Variants in FAM13A observed in about 807,000 individuals in gnomAD.
FAM13A encodes the protein protein FAM13A.
In FAM13A, 76 loss-of-function variants were observed where a neutral mutation model predicts 129.6. The ratio of observed to expected loss-of-function variants is 0.59; its 90% confidence interval spans 0.49 to 0.71. The LOEUF (loss-of-function observed/expected upper bound fraction) is 0.71. Among genes scored for constraint, FAM13A ranks in the 30% least tolerant of loss-of-function variants. The pLI, the probability that FAM13A is intolerant of heterozygous loss-of-function variation, is 0.00. For synonymous variants in FAM13A, 443 were observed against 449.9 expected, an observed-to-expected ratio of 0.98 and a Z score of 0.20; for missense variants, 1,108 against 1,249.3, an observed-to-expected ratio of 0.89 and a Z score of 1.70.
At chr4:88,920,651 C>A (rs1750902714) in intron 5 of FAM13A, among the ~76,000 whole-genome samples, 1 of 152,192 alleles carries the variant, frequency 6.6e-6, no homozygotes, top group Non-Finnish European at 1.5e-5. Flanking sequence ...TGCCTCTCCT[C>A]CTCCAAAAGA....
chr4:88,790,037 G>A (rs1392613652), intron 9 of FAM13A, among the ~76,000 whole-genome samples: 1 of 152,138 alleles, frequency 6.6e-6, no homozygotes, highest in Non-Finnish European at 1.5e-5. Context: ...AATTAAGAGA[G>A]TACCGCCACT....
At chr4:88,835,796 G>C (rs190242301) in intron 7 of FAM13A, among the ~76,000 whole-genome samples, 158 of 152,152 alleles carry the variant, frequency 1.0e-3, no homozygotes, top group African/African-American at 3.6e-3. Context: ...AGTAGTGCTA[G>C]TGATGGGGAG....
At chr4:88,830,031 T>C (rs1005573948) in intron 7 of FAM13A, among the ~76,000 whole-genome samples, 2 of 152,166 alleles carry the variant, frequency 1.3e-5, no homozygotes, top group African/African-American at 4.8e-5. Flanking sequence ...TGCGCATATA[T>C]ATATTCAATA....
chr4:89,013,071 A>G (rs2149089256), intron 3 of FAM13A, among the ~76,000 whole-genome samples: 1 of 152,136 alleles, frequency 6.6e-6, no homozygotes, highest in Middle Eastern at 3.4e-3. Context: ...TCTGCTTTTA[A>G]TGGGCATTAA....
Position 88,961,346 on chromosome 4 carries a change from CCTTTTTTTTTTT to C in FAM13A, c.606-23117_606-23106del, listed in dbSNP as rs1400738608. 4.9e-3 allele frequency among the ~76,000 whole-genome samples: 437 copies of C among 89,342 alleles called. 13 individuals are homozygous for C. The highest frequency in any genetic ancestry group is 0.018 in the African/African-American group (408 of 23,014). The allele number at this position is 89,342 out of a possible 152,430, so 58.6% of individuals were successfully genotyped here. A position where few individuals can be genotyped will look rare whatever the true frequency, so the allele number is the denominator to read the frequency against. On this transcript the variant is annotated intron_variant, in intron 4 of 23. Coordinates refer to ENST00000264344, the MANE Select transcript of FAM13A (RefSeq NM_014883.4). Reference sequence around the variant, plus strand: ...CAAATCCTCAGCTTTGTGGAATTTGCCTTTTTTTTTTTTTTTTTTTTTTTTTTTTTTTTTTTT... The same window carrying C: ...CAAATCCTCAGCTTTGTGGAATTTGCTTTTTTTTTTTTTTTTTTTTTTTTT...
rs771841553 is a variant in FAM13A, at chr4:89,020,461, C to T, written c.426G>A (p.Gln142=). The T allele has an allele frequency of 1.2e-6, 2 of 1,612,296 alleles. No homozygotes were observed. Among genetic ancestry groups the T allele is most frequent in the African/African-American group, 1.3e-5 (1 of 74,926 alleles). Reference sequence around the variant, plus strand: ...CCTAAAAGGATTTATTGTACTAACCCTGAAAGAGTTGAATGAATCGAGGCT... The same window carrying T: ...CCTAAAAGGATTTATTGTACTAACCTTGAAAGAGTTGAATGAATCGAGGCT... ...ALQPRFIQLF[Q]DGRNDVQESS... The change falls in exon 3 of 24, where the codon CAG becomes CAA. Residue 142 remains glutamine (Q), a splice_region_variant and synonymous_variant. Transcript: ENST00000264344.
intron 7 of FAM13A, among the ~76,000 whole-genome samples, chr4:88,813,677 A>C (rs1817279): frequency 0.07 from 10,650 of 152,276 alleles, 422 homozygotes; most frequent in African/African-American, 0.091. Context: ...TGCAGAAGGC[A>C]TGCAAATTAT....
chr4:88,868,598 T>C lies in FAM13A; in HGVS notation c.844-17415A>G, dbSNP rs147078412. Among the ~76,000 whole-genome samples the C allele has an allele frequency of 2.9e-4, 44 of 152,296 alleles. No individual in the cohort carries two copies. The East Asian group carries it at 8.5e-3, about 29-fold the overall frequency. On this transcript the variant is annotated intron_variant, in intron 6 of 23. Coordinates refer to ENST00000264344, the MANE Select transcript of FAM13A (RefSeq NM_014883.4). ...CCTATAGTCTATAATCCATACTCTT[T>C]GGTCTCACATTAATGGCCCCAGACT...
chr4:88,961,687 G>A (rs192016116), intron 4 of FAM13A, among the ~76,000 whole-genome samples: 55 of 152,200 alleles, frequency 3.6e-4, no homozygotes, highest in Admixed American at 9.8e-4. Flanking sequence ...TTTTAGTGGT[G>A]TGTGGAAGAA....
At position 88,972,449 on chromosome 4, in the gene FAM13A, G is replaced by A. The variant is rs903147045; in HGVS notation, c.605+18524C>T. 5.3e-5 allele frequency among the ~76,000 whole-genome samples: 8 copies of A among 152,008 alleles called. No individual in the cohort carries two copies. The East Asian group carries it at 5.8e-4, about 11-fold the overall frequency. ...CCTGAGTAGCTGGGACTACAGGTGCGTGCCACCACGCCTGGCTAATTTTGG... is the reference window on the plus strand; with the variant it reads ...CCTGAGTAGCTGGGACTACAGGTGCATGCCACCACGCCTGGCTAATTTTGG... On this transcript the variant is annotated intron_variant, in intron 4 of 23. Transcript: ENST00000264344.
chr4:88,770,798 T>G (rs979302884), intron 11 of FAM13A, among the ~76,000 whole-genome samples: 4 of 152,194 alleles, frequency 2.6e-5, no homozygotes, highest in African/African-American at 9.6e-5. Flanking sequence ...TTGTGAGATG[T>G]GAGAAAGCTT....
chr4:88,967,652 T>C (rs140192864), intron 4 of FAM13A, among the ~76,000 whole-genome samples: 1 of 152,316 alleles, frequency 6.6e-6, no homozygotes, highest in South Asian at 2.1e-4. Context: ...CCATGTGCCT[T>C]ACAACACAGA....
At chr4:88,900,680 C>A (rs1400513945) in intron 6 of FAM13A, among the ~76,000 whole-genome samples, 1 of 152,076 alleles carries the variant, frequency 6.6e-6, no homozygotes, top group Admixed American at 6.6e-5. Context: ...CCGTTACCAG[C>A]CAATACAAAA....
intron 4 of FAM13A, among the ~76,000 whole-genome samples, chr4:88,952,845 G>A (rs1757154509): frequency 6.6e-6 from 1 of 152,056 alleles, no homozygotes; most frequent in African/African-American, 2.4e-5. Context: ...CTACTCAGGA[G>A]GCTGAGGAAG....
chr4:88,988,707 TAATGA>T (rs1762569515), intron 4 of FAM13A, among the ~76,000 whole-genome samples: 1 of 152,050 alleles, frequency 6.6e-6, no homozygotes, highest in Non-Finnish European at 1.5e-5. Flanking sequence ...AAATAGGAGT[TAATGA>T]AACAGAAAAA....
intron 11 of FAM13A, among the ~76,000 whole-genome samples, chr4:88,776,910 G>T (rs937519905): frequency 2.5e-4 from 38 of 152,124 alleles, no homozygotes; most frequent in African/African-American, 8.7e-4. Flanking sequence ...GGAGGGGGAG[G>T]TTGCAGTGAG....
At chr4:88,749,518 GCTTA>G (rs1742094764) in intron 16 of FAM13A, among the ~76,000 whole-genome samples, 1 of 152,052 alleles carries the variant, frequency 6.6e-6, no homozygotes. Context: ...TCCAGTTCCT[GCTTA>G]CTGATTAATT....
At chr4:88,792,116 TG>T (rs971326693) in intron 8 of FAM13A, among the ~76,000 whole-genome samples, 35 of 152,076 alleles carry the variant, frequency 2.3e-4, no homozygotes, top group African/African-American at 8.2e-4. Flanking sequence ...TAAGACTTAC[TG>T]AGTACTTACT....
chr4:88,979,456 C>G (rs939858329), intron 4 of FAM13A, among the ~76,000 whole-genome samples: 1 of 152,158 alleles, frequency 6.6e-6, no homozygotes, highest in Non-Finnish European at 1.5e-5. Flanking sequence ...AGGAGCCAGG[C>G]CTTCTGGATT....
Sources: allele counts gnomAD v4.1 joint callset (sites outside exome capture counted in the v4.1 genomes callset), GRCh38; gene constraint gnomAD v4.1.1; transcripts MANE v1.5; gene names NCBI Gene and HGNC (gene_info 2026-07-23, HGNC 2026-07-21).